Variants in PCDH15 observed in about 807,000 individuals in gnomAD.
The protein encoded by PCDH15 is protocadherin-15.
PCDH15 carries 129 observed loss-of-function variants against 178.5 expected under a neutral mutation model. That is an observed-to-expected ratio of 0.72 (90% CI 0.63 to 0.84). The LOEUF (loss-of-function observed/expected upper bound fraction) is 0.84, where lower values mean the gene tolerates loss of function less well. PCDH15 is among the 40% of genes least tolerant of loss of function. The pLI is 0.00. For synonymous variants in PCDH15, 800 were observed against 732.0 expected, an observed-to-expected ratio of 1.09 and a Z score of -1.50; for missense variants, 2,230 against 2,099.9, an observed-to-expected ratio of 1.06 and a Z score of -1.21.
chr10:55,214,135 T>A (rs1267337996), intron 1 of PCDH15, among the ~76,000 whole-genome samples: 2 of 152,002 alleles, frequency 1.3e-5, no homozygotes, highest in African/African-American at 2.4e-5. Context: ...TACTTGTTTT[T>A]AAAAATATGT....
At chr10:55,020,324 T>C (rs1311260239) in intron 2 of PCDH15, among the ~76,000 whole-genome samples, 10 of 151,542 alleles carry the variant, frequency 6.6e-5, no homozygotes, top group Admixed American at 3.3e-4. Context: ...TAGTAATTAA[T>C]TGAAACACAG....
intron 8 of PCDH15, among the ~76,000 whole-genome samples, chr10:54,266,057 A>C (rs2057658497): frequency 6.6e-6 from 1 of 152,010 alleles, no homozygotes; most frequent in African/African-American, 2.4e-5. Flanking sequence ...AAATTAAAAA[A>C]AATATTAAAT....
chr10:54,550,450 G>T (rs1055610493), intron 2 of PCDH15, among the ~76,000 whole-genome samples: 1 of 151,504 alleles, frequency 6.6e-6, no homozygotes, highest in Non-Finnish European at 1.5e-5. Context: ...GAGCCAGTGA[G>T]TTCTCTTATT....
chr10:53,968,785 C>T lies in PCDH15; in HGVS notation c.2869-6893G>A, dbSNP rs2660193. ...GCAACTCCAACAGTCCAGCAGCTGACGGTCCTGACTGTTAGAACGAAAACT... is the reference window on the plus strand; with the variant it reads ...GCAACTCCAACAGTCCAGCAGCTGATGGTCCTGACTGTTAGAACGAAAACT... On this transcript the variant is annotated intron_variant, in intron 21 of 37. Coordinates refer to ENST00000644397, the MANE Select transcript of PCDH15 (RefSeq NM_001384140.1). Among the ~76,000 whole-genome samples the T allele has an allele frequency of 9.3e-3, 1,417 of 152,288 alleles. 20 individuals are homozygous for T. The highest frequency in any genetic ancestry group is 0.032 in the African/African-American group (1,334 of 41,566).
At chr10:55,501,761 G>C (rs1004461807) in intron 2 of PCDH15, among the ~76,000 whole-genome samples, 1 of 151,640 alleles carries the variant, frequency 6.6e-6, no homozygotes, top group East Asian at 2.0e-4. Context: ...TCAGTGAAGA[G>C]GCATTGTTTA....
At chr10:54,222,296 G>A (rs1343426909) in intron 9 of PCDH15, among the ~76,000 whole-genome samples, 1 of 152,164 alleles carries the variant, frequency 6.6e-6, no homozygotes, top group Non-Finnish European at 1.5e-5. Flanking sequence ...CCACAATCGG[G>A]ATATAGAATG....
intron 10 of PCDH15, among the ~76,000 whole-genome samples, chr10:54,196,834 CAAGT>C (rs1485065235): frequency 6.6e-6 from 1 of 152,122 alleles, no homozygotes; most frequent in South Asian, 2.1e-4. Context: ...CACGTGAGAA[CAAGT>C]AAGAAGGTGG....
intron 21 of PCDH15, among the ~76,000 whole-genome samples, chr10:53,969,312 A>G (rs2089408521): frequency 6.6e-6 from 1 of 152,152 alleles, no homozygotes; most frequent in Non-Finnish European, 1.5e-5. Context: ...TAGAGAAAAA[A>G]GAATAAAAAG....
chr10:54,641,891 T>C lies in PCDH15; in HGVS notation c.91+22281A>G, dbSNP rs114862355. Among the ~76,000 whole-genome samples, 1,399 of 152,032 alleles carry C rather than the reference T, an allele frequency of 9.2e-3. 15 individuals are homozygous for C. Among genetic ancestry groups the C allele is most frequent in the African/African-American group, 0.032 (1,322 of 41,476 alleles). On this transcript the variant is annotated intron_variant, in intron 2 of 37. Transcript: ENST00000644397. ...GGTCCTGTTCCAGCTTTAAAAACTT[T>C]AATGGTTTCACTTAGAATGAAGACT... is the stretch of plus-strand genomic sequence containing the variant.
chr10:55,619,268 C>A (rs1843540341), intron 2 of PCDH15, among the ~76,000 whole-genome samples: 2 of 151,386 alleles, frequency 1.3e-5, no homozygotes, highest in South Asian at 4.2e-4. Context: ...CCAATTAAGG[C>A]TTTTTTTTAA....
In PCDH15 at chr10:53,806,521, A is replaced by G; in HGVS notation, c.*58T>C. 1 of 1,353,886 alleles carries G rather than the reference A, an allele frequency of 7.4e-7. No homozygotes were observed. Among genetic ancestry groups the G allele is most frequent in the Non-Finnish European group, 1.0e-6 (1 of 996,486 alleles). 83.9% of individuals were successfully genotyped at this position (1,353,886 alleles called of 1,614,324 possible). ...CATTGTTTTCTCAGTGACAATAAAA[A>G]GCACAGTTTATTAAAAATGTAAGTA... On this transcript the variant is annotated 3_prime_UTR_variant, in exon 38 of 38. Transcript: ENST00000644397.
At chr10:54,096,175 C>T (rs1053673569) in intron 15 of PCDH15, among the ~76,000 whole-genome samples, 17 of 151,838 alleles carry the variant, frequency 1.1e-4, no homozygotes, top group Non-Finnish European at 1.9e-4. Flanking sequence ...CTAGCAAAGT[C>T]CCCTATGTCC....
chr10:54,332,936 T>C (rs201056539), intron 6 of PCDH15, among the ~76,000 whole-genome samples: 29 of 152,056 alleles, frequency 1.9e-4, no homozygotes, highest in African/African-American at 2.9e-4. Context: ...TTTATATGTA[T>C]GTATTTATTT....
At chr10:54,845,084 T>G (rs1953482795) in intron 3 of PCDH15, among the ~76,000 whole-genome samples, 1 of 152,020 alleles carries the variant, frequency 6.6e-6, no homozygotes, top group Non-Finnish European at 1.5e-5. Flanking sequence ...AAAATAATTC[T>G]TAGAATCAAA....
intron 3 of PCDH15, among the ~76,000 whole-genome samples, chr10:54,817,407 G>A (rs1952965464): frequency 6.6e-6 from 1 of 151,938 alleles, no homozygotes; most frequent in Admixed American, 6.6e-5. Context: ...GGTAGAGCAA[G>A]ATAATCAGTC....
intron 2 of PCDH15, among the ~76,000 whole-genome samples, chr10:55,437,052 T>A (rs1839057943): frequency 6.6e-6 from 1 of 152,172 alleles, no homozygotes; most frequent in Admixed American, 6.5e-5. Flanking sequence ...TGTGATTTTG[T>A]CCTAGTCTTG....
At chr10:55,282,515 A>G (rs1051011280) in intron 1 of PCDH15, among the ~76,000 whole-genome samples, 1 of 152,192 alleles carries the variant, frequency 6.6e-6, no homozygotes, top group African/African-American at 2.4e-5. Flanking sequence ...ACATATATAA[A>G]TTATCTTTAA....
intron 1 of PCDH15, among the ~76,000 whole-genome samples, chr10:55,169,941 G>A (rs1191652930): frequency 6.6e-6 from 1 of 151,828 alleles, no homozygotes; most frequent in Non-Finnish European, 1.5e-5. Context: ...AAAATTCTAT[G>A]AGTCAAATTC....
intron 2 of PCDH15, among the ~76,000 whole-genome samples, chr10:55,587,987 G>T (rs981291695): frequency 3.9e-5 from 6 of 152,196 alleles, no homozygotes; most frequent in African/African-American, 1.4e-4. Context: ...TACAAGTGCT[G>T]AATCGACAGC....
Sources: gnomAD v4.1 joint callset for allele counts (sites outside exome capture counted in the v4.1 genomes callset) on GRCh38, gnomAD v4.1.1 for gene constraint, MANE v1.5 for transcripts, NCBI Gene and HGNC (gene_info 2026-07-23, HGNC 2026-07-21) for gene names.